Variants in PPP3CB observed in about 807,000 individuals in gnomAD.
PPP3CB encodes the protein serine/threonine-protein phosphatase 2B catalytic subunit beta isoform.
Under a neutral mutation model 66.4 loss-of-function variants are expected in PPP3CB, and 8 were observed. That is an observed-to-expected ratio of 0.12 (90% CI 0.07 to 0.22). The LOEUF (loss-of-function observed/expected upper bound fraction) is 0.22. PPP3CB is among the 10% of genes least tolerant of loss of function. The pLI, the probability that PPP3CB is intolerant of heterozygous loss-of-function variation, is 1.00. For missense variants in PPP3CB, 319 were observed against 642.5 expected (o/e 0.50, Z 5.44); for synonymous variants, 208 against 221.2 (o/e 0.94, Z 0.53).
intron 4 of PPP3CB, among the ~76,000 whole-genome samples, chr10:73,472,334 A>G (rs1029804718): frequency 1.3e-5 from 2 of 152,116 alleles, no homozygotes; most frequent in Non-Finnish European, 2.9e-5. Flanking sequence ...GTCTCTACTA[A>G]AAATACAAAA....
At chr10:73,458,760 T>G (rs1157096709) in intron 9 of PPP3CB, among the ~76,000 whole-genome samples, 1 of 151,978 alleles carries the variant, frequency 6.6e-6, no homozygotes, top group Non-Finnish European at 1.5e-5. Context: ...TATACACTGC[T>G]GATGAAACTG....
chr10:73,469,237 T>C (rs2056666066), intron 8 of PPP3CB, among the ~76,000 whole-genome samples: 1 of 152,160 alleles, frequency 6.6e-6, no homozygotes, highest in African/African-American at 2.4e-5. Flanking sequence ...AACACTTGGT[T>C]CTGTTTTTGA....
chr10:73,455,863 C>T (rs12258926), intron 9 of PPP3CB, among the ~76,000 whole-genome samples: 1,969 of 152,336 alleles, frequency 0.013, 43 homozygotes, highest in African/African-American at 0.044. Context: ...AGCCACCGCG[C>T]CCAGCCTGTC....
In PPP3CB at chr10:73,479,333, T is replaced by C. The variant is rs1446855519; in HGVS notation, c.270A>G (p.Val90=). The part of the protein sequence containing the change: ...ILRREKTMIE[V]EAPITVCGDI... The stretch of plus-strand genomic sequence containing the variant: ...TAAGCTTACCTGTGATTGGAGCTTC[T>C]ACTTCTATCATGGTTTTCTCTCTCC... Residue 90 remains valine, a synonymous_variant, in exon 2 of 14, where the codon GTA becomes GTG. Coordinates refer to ENST00000360663, the MANE Select transcript of PPP3CB (RefSeq NM_021132.4). 4 of 1,613,894 alleles carry C rather than the reference T, an allele frequency of 2.5e-6. No individual in the cohort carries two copies. Among genetic ancestry groups the C allele is most frequent in the East Asian group, 2.2e-5 (1 of 44,886 alleles).
Position 73,446,569 on chromosome 10 carries a change from T to C in PPP3CB, c.1191A>G (p.Ser397=). Reference sequence around the variant, plus strand: ...TTATGATTTCTTTCCGGGCTGCAGCTGAACCTACTTTCAATGGAATAAATA... The same window carrying C: ...TTATGATTTCTTTCCGGGCTGCAGCCGAACCTACTTTCAATGGAATAAATA... ...MTEGEDQFDG[S]AAARKEIIRN... The change falls in exon 11 of 14, where the codon TCA becomes TCG. Residue 397 remains serine, a synonymous_variant. Coordinates refer to ENST00000360663, the MANE Select transcript of PPP3CB (RefSeq NM_021132.4). 8 of 1,613,440 alleles carry C rather than the reference T, an allele frequency of 5.0e-6. No individual in the cohort carries two copies. The highest frequency in any genetic ancestry group is 6.8e-6 in the Non-Finnish European group (8 of 1,179,376).
At position 73,446,593 on chromosome 10, in the gene PPP3CB, TAGAG is replaced by T. The variant is rs1564548827; in HGVS notation, c.1187-24_1187-21del. 1.2e-6 allele frequency: 2 copies of T among 1,606,410 alleles called. No individual in the cohort carries two copies. The highest frequency in any genetic ancestry group is 1.7e-5 in the Admixed American group (1 of 59,990). Reference sequence around the variant, plus strand: ...CTGAACCTACTTTCAATGGAATAAATAGAGAGAAAGGCTCAAGTTTAGGGCATGC... The same window carrying T: ...CTGAACCTACTTTCAATGGAATAAATAGAAAGGCTCAAGTTTAGGGCATGC... On this transcript the variant is annotated intron_variant, in intron 10 of 13. Transcript: ENST00000360663.
At chr10:73,446,108 CT>C (rs770474339) in intron 11 of PPP3CB, among the ~76,000 whole-genome samples, 484 of 138,060 alleles carry the variant, frequency 3.5e-3, no homozygotes, top group Admixed American at 3.0e-3. Context: ...TTTTTTCTTT[CT>C]TTTTTTTTTT....
intron 1 of PPP3CB, among the ~76,000 whole-genome samples, chr10:73,490,867 T>G (rs918630415): frequency 9.9e-5 from 15 of 151,876 alleles, no homozygotes; most frequent in African/African-American, 3.6e-4. Flanking sequence ...GGAATATCGC[T>G]CTGTCACCCA....
chr10:73,470,719 G>T lies in PPP3CB; in HGVS notation c.950C>A (p.Ala317Glu). ...GFPSLITIFS[A>E]PNYLDVYNNK... Reference sequence around the variant, plus strand: ...ATTGTAGACATCTAAGTAATTAGGTGCCGAAAAAATTGTTATTAATGAAGG... The same window carrying T: ...ATTGTAGACATCTAAGTAATTAGGTTCCGAAAAAATTGTTATTAATGAAGG... The change falls in exon 8 of 14, where the codon GCA becomes GAA. Residue 317 changes from alanine to glutamate, a missense_variant. Coordinates refer to ENST00000360663, the MANE Select transcript of PPP3CB (RefSeq NM_021132.4). The T allele has an allele frequency of 6.3e-7, 1 of 1,598,922 alleles. No homozygotes were observed. Among genetic ancestry groups the T allele is most frequent in the Non-Finnish European group, 8.5e-7 (1 of 1,170,162 alleles).
At chr10:73,492,818 G>C (rs1307519912) in intron 1 of PPP3CB, among the ~76,000 whole-genome samples, 1 of 152,110 alleles carries the variant, frequency 6.6e-6, no homozygotes, top group Non-Finnish European at 1.5e-5. Context: ...ATTTACTCAT[G>C]AATCACCTAC....
chr10:73,451,466 T>G (rs1199892848), intron 10 of PPP3CB, among the ~76,000 whole-genome samples: 1 of 152,002 alleles, frequency 6.6e-6, no homozygotes, highest in Non-Finnish European at 1.5e-5. Flanking sequence ...CAAAATTTTT[T>G]CAAAGAAAAA....
At chr10:73,476,482 T>C (rs1205358686) in intron 3 of PPP3CB, among the ~76,000 whole-genome samples, 1 of 151,970 alleles carries the variant, frequency 6.6e-6, no homozygotes, top group Non-Finnish European at 1.5e-5. Flanking sequence ...CCGGGAGTGG[T>C]GGTGGGCACC....
chr10:73,471,879 A>G (rs1234230891), intron 4 of PPP3CB, among the ~76,000 whole-genome samples: 1 of 152,202 alleles, frequency 6.6e-6, no homozygotes, highest in African/African-American at 2.4e-5. Flanking sequence ...ATAAAAAGGT[A>G]GCAAGAGAGA....
At chr10:73,487,771 G>A (rs1382635188) in intron 1 of PPP3CB, among the ~76,000 whole-genome samples, 2 of 151,156 alleles carry the variant, frequency 1.3e-5, no homozygotes, top group Non-Finnish European at 2.9e-5. Context: ...TTTGAGTTTG[G>A]TCAGGCAAGT....
chr10:73,453,230 A>C (rs1240568305), intron 10 of PPP3CB, among the ~76,000 whole-genome samples: 1 of 152,224 alleles, frequency 6.6e-6, no homozygotes, highest in East Asian at 1.9e-4. Context: ...TTCACAGCTA[A>C]AACGATGAAG....
At chr10:73,472,003 T>C (rs1322568081) in intron 4 of PPP3CB, among the ~76,000 whole-genome samples, 1 of 152,138 alleles carries the variant, frequency 6.6e-6, no homozygotes, top group African/African-American at 2.4e-5. Context: ...CTGCACACAA[T>C]TTTTTTAAGG....
chr10:73,469,395 G>A (rs2056668194), intron 8 of PPP3CB, among the ~76,000 whole-genome samples: 1 of 152,160 alleles, frequency 6.6e-6, no homozygotes, highest in Non-Finnish European at 1.5e-5. Flanking sequence ...ATAAAAATTA[G>A]CTGGGCGAGG....
intron 12 of PPP3CB, among the ~76,000 whole-genome samples, chr10:73,442,982 C>T (rs1319855272): frequency 6.7e-6 from 1 of 150,310 alleles, no homozygotes; most frequent in East Asian, 1.9e-4. Flanking sequence ...TGCTTGAGCC[C>T]AGGAGTTTGA....
At chr10:73,468,533 T>C (rs2056654678) in intron 8 of PPP3CB, among the ~76,000 whole-genome samples, 1 of 152,186 alleles carries the variant, frequency 6.6e-6, no homozygotes, top group South Asian at 2.1e-4. Flanking sequence ...ATGTCTACCC[T>C]GCCTACCACA....
Sources: allele counts gnomAD v4.1 joint callset (sites outside exome capture counted in the v4.1 genomes callset), GRCh38; gene constraint gnomAD v4.1.1; transcripts MANE v1.5; gene names NCBI Gene and HGNC (gene_info 2026-07-23, HGNC 2026-07-21).